The following B4GALT4 variants were observed in gnomAD, a reference collection of about 807,000 sequenced individuals.
B4GALT4 encodes N-acetyllactosamine synthase.
In B4GALT4, 27 loss-of-function variants were observed where a neutral mutation model predicts 37.3. The observed-to-expected ratio is 0.72, with a 90% CI of 0.53 to 1.00. B4GALT4 has a LOEUF of 1.00. Among genes scored for constraint, B4GALT4 ranks in the 50% least tolerant of loss-of-function variants. B4GALT4 has a pLI of 0.00. For missense variants in B4GALT4, 372 were observed against 413.1 expected, an observed-to-expected ratio of 0.90 and a Z score of 0.86; for synonymous variants, 148 against 154.1, an observed-to-expected ratio of 0.96 and a Z score of 0.29.
intron 7 of B4GALT4, chr3:119,214,344 AG>A (rs1235120043): frequency 6.6e-6 from 1 of 152,252 alleles, no homozygotes; most frequent in Non-Finnish European, 1.5e-5. Flanking sequence ...TGAAAATTTA[AG>A]GGGAAAAATC....
At position 119,212,613 on chromosome 3, in the gene B4GALT4, A is replaced by C. The variant is rs2078188772; in HGVS notation, c.971T>G (p.Leu324Ter). 1 of 1,613,108 alleles carries C rather than the reference A, an allele frequency of 6.2e-7. No individual in the cohort carries two copies. Among genetic ancestry groups the C allele is most frequent in the African/African-American group, 1.3e-5 (1 of 74,894 alleles). Residue 324 changes from leucine to a stop codon, truncating the protein, a stop_gained, in exon 8 of 8, where the codon TTA becomes TGA. Coordinates refer to ENST00000393765, the MANE Select transcript of B4GALT4 (RefSeq NM_003778.4). LOFTEE classifies it high-confidence loss of function. ...TAAAGGATTGTGTTCCACAGATACT[A>C]ATTTATAAGAACAACTACTCAACCC... ...TDGLSSCSYK[L>*]VSVEHNPLYI...
intron 4 of B4GALT4, among the ~76,000 whole-genome samples, chr3:119,224,844 A>T (rs1052763943): frequency 3.3e-5 from 5 of 152,204 alleles, no homozygotes; most frequent in African/African-American, 1.2e-4. Flanking sequence ...AACAAAAAAA[A>T]ATTTTCTCTT....
rs151229275 is a variant in B4GALT4, at chr3:119,226,968, G to A, written c.327C>T (p.Ser109=). Residue 109 remains serine, a synonymous_variant, in exon 4 of 8, where the codon TCC becomes TCT. Transcript: ENST00000393765. ...EEVQAENPKV[S]RGRYRPQECK... is the part of the protein sequence containing the mutation. ...ATTCCTGAGGGCGATACCGGCCTCT[G>A]GACACTTTGGGATTTTCTGCCTGTA... The A allele has an allele frequency of 4.5e-5, 73 of 1,614,152 alleles. No homozygotes were observed. The African/African-American group carries it at 8.7e-4, about 19-fold the overall frequency.
At chr3:119,224,354 G>GA in intron 4 of B4GALT4, 109 bp from the exon 5 acceptor site, 1 of 681,630 alleles carries the variant, frequency 1.5e-6, no homozygotes, top group East Asian at 3.2e-5. Context: ...TTCTACGCAC[G>GA]AGACTACACT....
intron 5 of B4GALT4, among the ~76,000 whole-genome samples, chr3:119,222,683 T>C (rs2078484828): frequency 6.6e-6 from 1 of 152,218 alleles, no homozygotes; most frequent in Non-Finnish European, 1.5e-5. Context: ...AGAATACCAG[T>C]GAACTATTGC....
chr3:119,229,285 C>G (rs776699392), intron 3 of B4GALT4, among the ~76,000 whole-genome samples: 4 of 152,140 alleles, frequency 2.6e-5, no homozygotes, highest in Non-Finnish European at 4.4e-5. Context: ...GGCAGAGCCA[C>G]CAGCCTAGAT....
intron 2 of B4GALT4, among the ~76,000 whole-genome samples, chr3:119,231,042 G>T (rs1320966043): frequency 6.6e-6 from 1 of 152,150 alleles, no homozygotes; most frequent in African/African-American, 2.4e-5. Flanking sequence ...GGGCTTAGAT[G>T]ACCTAATTTA....
At position 119,229,820 on chromosome 3, in the gene B4GALT4, TAATC is replaced by T. The variant is rs545601169; in HGVS notation, c.253+23_253+26del. On this transcript the variant is annotated intron_variant, in intron 3 of 7. Coordinates refer to ENST00000393765, the MANE Select transcript of B4GALT4 (RefSeq NM_003778.4). ...TTAAATAAAAAGTTTGCATACTACT[TAATC>T]AAAGGAAAAAAGCAACACTTACTGA... The T allele has an allele frequency of 6.1e-5, 98 of 1,609,410 alleles. 1 individual carries two copies. In the African/African-American group the frequency reaches 1.2e-3, roughly 20 times the overall value.
chr3:119,223,406 TCA>T (rs775588052), intron 5 of B4GALT4, among the ~76,000 whole-genome samples: 13 of 152,206 alleles, frequency 8.5e-5, no homozygotes, highest in Non-Finnish European at 1.6e-4. Context: ...ACATTCTGTG[TCA>T]CTATTCCCGC....
intron 5 of B4GALT4, among the ~76,000 whole-genome samples, chr3:119,219,495 G>C (rs967899226): frequency 1.3e-5 from 2 of 152,242 alleles, no homozygotes; most frequent in Admixed American, 1.3e-4. Context: ...TTTGCCAGTA[G>C]GCAAAAGGAT....
intron 2 of B4GALT4, among the ~76,000 whole-genome samples, chr3:119,234,157 G>C (rs2078912848): frequency 6.6e-6 from 1 of 151,616 alleles, no homozygotes; most frequent in African/African-American, 2.4e-5. Flanking sequence ...TCCCTCTGTC[G>C]GCCTGGCCGG....
chr3:119,229,812 A>T, intron 3 of B4GALT4, 35 bp downstream of exon 3: 1 of 1,602,512 alleles, frequency 6.2e-7, no homozygotes, highest in Non-Finnish European at 8.5e-7. Flanking sequence ...AAAAGTTTGC[A>T]TACTACTTAA....
chr3:119,234,579 T>C (rs1316528106), intron 2 of B4GALT4, among the ~76,000 whole-genome samples: 2 of 152,252 alleles, frequency 1.3e-5, no homozygotes, highest in Non-Finnish European at 2.9e-5. Flanking sequence ...ATGTAATATT[T>C]TTATAATTAG....
At chr3:119,240,193 A>G (rs73187824) in intron 1 of B4GALT4, 16,566 of 151,944 alleles carry the variant, frequency 0.11, 977 homozygotes, top group African/African-American at 0.14. Flanking sequence ...TCCTAAGGCT[A>G]CCAACCCATA....
At position 119,224,041 on chromosome 3, in the gene B4GALT4, C is replaced by T. The variant is rs1442574237; in HGVS notation, c.674+17G>A. On this transcript the variant is annotated intron_variant, in intron 5 of 7. Coordinates refer to ENST00000393765, the MANE Select transcript of B4GALT4 (RefSeq NM_003778.4). ...TGAGCTTCTCGACCTAAGCCACCCT[C>T]AGCAGAACCACCTTACCTGTACCCA... 2.5e-6 allele frequency: 4 copies of T among 1,597,550 alleles called. No individual in the cohort carries two copies. The highest frequency in any genetic ancestry group is 3.4e-6 in the Non-Finnish European group (4 of 1,172,676).
chr3:119,227,097 G>T, intron 3 of B4GALT4, 56 bp from the exon 4 acceptor site: 2 of 1,486,558 alleles, frequency 1.3e-6, no homozygotes, highest in Non-Finnish European at 1.9e-6. Flanking sequence ...AAGTGTTGAG[G>T]TTTACACGAG....
intron 2 of B4GALT4, chr3:119,236,186 C>CT (rs2078980097): frequency 6.6e-6 from 1 of 152,082 alleles, no homozygotes. Flanking sequence ...CTAACTGGTA[C>CT]TCTTCGAAGA....
chr3:119,214,942 C>T (rs532410801), intron 7 of B4GALT4: 1 of 152,270 alleles, frequency 6.6e-6, no homozygotes, highest in South Asian at 2.1e-4. Flanking sequence ...CAAAATGACA[C>T]AACCAGACAT....
chr3:119,215,193 C>T (rs921634481), intron 7 of B4GALT4: 5 of 152,216 alleles, frequency 3.3e-5, no homozygotes, highest in African/African-American at 1.2e-4. Context: ...CAGATCTACC[C>T]TCCATGTGGG....
Sources: allele counts gnomAD v4.1 joint callset (sites outside exome capture counted in the v4.1 genomes callset), GRCh38; gene constraint gnomAD v4.1.1; transcripts MANE v1.5; gene names NCBI Gene and HGNC (gene_info 2026-07-23, HGNC 2026-07-21).